PIWIL2: variants seen among roughly 807,000 people sequenced by gnomAD.
The protein encoded by PIWIL2 is piwi-like protein 2.
In PIWIL2, 81 loss-of-function variants were observed where a neutral mutation model predicts 116.5. The ratio of observed to expected loss-of-function variants is 0.70; its 90% CI spans 0.58 to 0.84. The LOEUF (loss-of-function observed/expected upper bound fraction) is 0.84. Ranked by LOEUF, PIWIL2 falls within the 40% of genes least tolerant of loss-of-function variation. The probability of loss-of-function intolerance (pLI) is 0.00; values close to 1 mark genes in which losing one functional copy is unlikely to be tolerated. For missense variants in PIWIL2, 1,272 were observed against 1,212.3 expected (o/e 1.05, Z -0.73); for synonymous variants, 489 against 429.5 (o/e 1.14, Z -1.71).
At chr8:22,294,719 A>T (rs76917982) in intron 10 of PIWIL2, among the ~76,000 whole-genome samples, 3 of 150,974 alleles carry the variant, frequency 2.0e-5, no homozygotes, top group Admixed American at 6.6e-5. Context: ...AGACTGTTCA[A>T]TGAGTCCTAT....
chr8:22,305,942 A>G lies in PIWIL2; in HGVS notation c.1471A>G (p.Ile491Val), dbSNP rs1388594772. The change falls in exon 13 of 23, where the codon ATC becomes GTC. Residue 491 changes from isoleucine (I) to valine (V), a missense_variant. Ile to Val is a conservative substitution (Grantham distance 29). Transcript: ENST00000356766. ...DNHGMLLKGE[I>V]LLLPELSFMT... ...CTCTTCAAAGCTGCTAAAAGGGGAA[A>G]TCCTGCTGCTGCCTGAGCTTTCTTT... 4 of 1,613,760 alleles carry G rather than the reference A, an allele frequency of 2.5e-6. No individual in the cohort carries two copies. The highest frequency in any genetic ancestry group is 2.5e-6 in the Non-Finnish European group (3 of 1,179,784).
chr8:22,347,684 G>A (rs1053521624), intron 20 of PIWIL2, among the ~76,000 whole-genome samples: 1 of 151,606 alleles, frequency 6.6e-6, no homozygotes. Context: ...CTGCCAGCAT[G>A]CCTGGCTAAT....
chr8:22,287,710 G>C lies in PIWIL2; in HGVS notation c.861+65G>C, dbSNP rs532554092. 2.0e-5 allele frequency: 22 copies of C among 1,076,450 alleles called. No homozygotes were observed. The African/African-American group carries it at 2.9e-4, about 14-fold the overall frequency. The allele number at this position is 1,076,450 out of a possible 1,614,324, so 66.7% of individuals were successfully genotyped here. A position where few individuals can be genotyped will look rare whatever the true frequency, so the allele number is the denominator to read the frequency against. On this transcript the variant is annotated intron_variant, in intron 7 of 22. Coordinates refer to ENST00000356766, the MANE Select transcript of PIWIL2 (RefSeq NM_018068.5). Reference sequence around the variant, plus strand: ...AGAGTGCTCTGGCGTTTTTTGTTTGGTTTTGCTTTTAAGAGATTGGGTCTT... The same window carrying C: ...AGAGTGCTCTGGCGTTTTTTGTTTGCTTTTGCTTTTAAGAGATTGGGTCTT...
At chr8:22,324,917 G>A (rs1328301933) in intron 20 of PIWIL2, among the ~76,000 whole-genome samples, 1 of 152,152 alleles carries the variant, frequency 6.6e-6, no homozygotes, top group African/African-American at 2.4e-5. Flanking sequence ...GGCATGAACA[G>A]ATCTTTTTCT....
Position 22,355,660 on chromosome 8 carries a change from C to T in PIWIL2, c.*155C>T. 1.5e-6 allele frequency: 1 copy of T among 688,360 alleles called. No homozygotes were observed. Among genetic ancestry groups the T allele is most frequent in the East Asian group, 2.7e-5 (1 of 36,520 alleles). 42.6% of individuals were successfully genotyped at this position (688,360 alleles called of 1,614,324 possible). ...TAAGATTTCTTTCTTGTCTTTTAAA[C>T]CTAATATCACCAAGAAGCAAGTTTC... On this transcript the variant is annotated 3_prime_UTR_variant, in exon 23 of 23. Coordinates refer to ENST00000356766, the MANE Select transcript of PIWIL2 (RefSeq NM_018068.5).
In PIWIL2 at chr8:22,354,337, T is replaced by A; in HGVS notation, c.2724T>A (p.Cys908Ter). The A allele has an allele frequency of 6.2e-7, 1 of 1,613,764 alleles. No homozygotes were observed. The highest frequency in any genetic ancestry group is 8.5e-7 in the Non-Finnish European group (1 of 1,179,664). Residue 908 changes from cysteine (C) to a stop codon, truncating the protein, a stop_gained, in exon 22 of 23, where the codon TGT (cysteine) becomes TGA (stop). Transcript: ENST00000356766. LOFTEE classifies it high-confidence loss of function. ...GTGGCATTCCTACGCATTATGTCTG[T>A]GTTCTCAACACCGCAAACCTGAGCC... ...QGCGIPTHYV[C>*]VLNTANLSPD...
At chr8:22,347,389 G>T (rs1473578376) in intron 20 of PIWIL2, among the ~76,000 whole-genome samples, 1 of 150,898 alleles carries the variant, frequency 6.6e-6, no homozygotes, top group Admixed American at 6.6e-5. Context: ...TAATATTTTT[G>T]TATTTTTTTA....
At chr8:22,348,235 GGTT>G in intron 20 of PIWIL2, among the ~76,000 whole-genome samples, 1 of 151,202 alleles carries the variant, frequency 6.6e-6, no homozygotes, top group Middle Eastern at 3.4e-3. Context: ...GGGAGGCGGA[GGTT>G]GCAGTGAGCC....
chr8:22,353,651 A>G (rs1054120970), intron 21 of PIWIL2, among the ~76,000 whole-genome samples: 1 of 152,180 alleles, frequency 6.6e-6, no homozygotes, highest in African/African-American at 2.4e-5. Flanking sequence ...ACGAAACAAA[A>G]AAGATTTAAA....
Position 22,355,477 on chromosome 8 carries a change from A to G in PIWIL2, c.2894A>G (p.Gln965Arg). The change falls in exon 23 of 23, where the codon CAG (glutamine) becomes CGG (arginine). Residue 965 changes from glutamine to arginine, a missense_variant. By Grantham distance (43) the Gln-to-Arg change is conservative. Coordinates refer to ENST00000356766, the MANE Select transcript of PIWIL2 (RefSeq NM_018068.5). The stretch of plus-strand genomic sequence containing the variant: ...ATCTTGCATCATGAACCAGCCATCC[A>G]GCTGTGCGAGAACCTGTTCTTCCTG... The part of the protein sequence containing the change: ...GHILHHEPAI[Q>R]LCENLFFL The G allele has an allele frequency of 6.2e-7, 1 of 1,614,178 alleles. No individual in the cohort carries two copies. Among genetic ancestry groups the G allele is most frequent in the Non-Finnish European group, 8.5e-7 (1 of 1,180,026 alleles).
intron 10 of PIWIL2, among the ~76,000 whole-genome samples, chr8:22,290,712 A>G (rs1259308964): frequency 7.0e-6 from 1 of 143,216 alleles, no homozygotes; most frequent in Non-Finnish European, 1.5e-5. Context: ...TCAGCCTCTC[A>G]AGGTGTTGAG....
Position 22,310,012 on chromosome 8 carries a change from T to C in PIWIL2, c.1738T>C (p.Phe580Leu). 6.2e-7 allele frequency: 1 copy of C among 1,612,090 alleles called. No individual in the cohort carries two copies. Among genetic ancestry groups the C allele is most frequent in the Non-Finnish European group, 8.5e-7 (1 of 1,178,148 alleles). Residue 580 changes from phenylalanine to leucine, a missense_variant, in exon 15 of 23, where the codon TTT becomes CTT. Coordinates refer to ENST00000356766, the MANE Select transcript of PIWIL2 (RefSeq NM_018068.5). ...MERINLKNTS[F>L]ITSQELNWVK... ...AAGAATTAACTTAAAAAATACTTCG[T>C]TTATCACATCTCAGGAACTAAACTG...
At chr8:22,285,051 A>G (rs1830599629) in intron 6 of PIWIL2, among the ~76,000 whole-genome samples, 1 of 152,124 alleles carries the variant, frequency 6.6e-6, no homozygotes, top group Admixed American at 6.6e-5. Flanking sequence ...GCTAATTGAC[A>G]TATGTGTCAC....
intron 13 of PIWIL2, among the ~76,000 whole-genome samples, chr8:22,307,483 T>A (rs926554351): frequency 2.1e-5 from 3 of 145,086 alleles, no homozygotes; most frequent in Admixed American, 6.8e-5. Context: ...ATTTTTTTTT[T>A]TTTTTTTTTT....
intron 10 of PIWIL2, among the ~76,000 whole-genome samples, chr8:22,299,509 A>G (rs964690362): frequency 2.6e-5 from 4 of 152,042 alleles, no homozygotes; most frequent in Non-Finnish European, 4.4e-5. Flanking sequence ...CGCCCAGTCA[A>G]TGATCTTTTT....
intron 20 of PIWIL2, among the ~76,000 whole-genome samples, chr8:22,349,051 CTTTTTTTTTTT>C (rs35385064): frequency 1.5e-5 from 2 of 136,810 alleles, no homozygotes; most frequent in East Asian, 2.1e-4. Context: ...TTTCTTTTTT[CTTTTTTTTTTT>C]TTTTGAGATG....
intron 10 of PIWIL2, among the ~76,000 whole-genome samples, chr8:22,295,741 C>A (rs144477771): frequency 6.6e-6 from 1 of 152,146 alleles, no homozygotes; most frequent in African/African-American, 2.4e-5. Flanking sequence ...ATTTATTTTC[C>A]TGGAGGTGAG....
chr8:22,294,580 G>T (rs1830843874), intron 10 of PIWIL2, among the ~76,000 whole-genome samples: 4 of 145,270 alleles, frequency 2.8e-5, no homozygotes, highest in South Asian at 4.3e-4. Flanking sequence ...GGCGGAGCTT[G>T]CAGTGAGCCG....
intron 22 of PIWIL2, 135 bp from the exon 23 acceptor site, chr8:22,355,214 A>G: frequency 1.5e-6 from 1 of 684,882 alleles, no homozygotes; most frequent in East Asian, 2.6e-5. Flanking sequence ...AAAAAGCTGC[A>G]TCATGTATTC....
Sources: allele counts gnomAD v4.1 joint callset (sites outside exome capture counted in the v4.1 genomes callset), GRCh38; gene constraint gnomAD v4.1.1; transcripts MANE v1.5; gene names NCBI Gene and HGNC (gene_info 2026-07-23, HGNC 2026-07-21).